SEC22A: variants seen among roughly 807,000 people sequenced by gnomAD.
SEC22A encodes SEC22 homolog A, vesicle trafficking protein.
SEC22A carries 22 observed loss-of-function variants against 35.3 expected under a neutral mutation model. The observed-to-expected ratio is 0.62, with a 90% CI of 0.45 to 0.89. SEC22A has a LOEUF of 0.89. SEC22A is among the 40% of genes least tolerant of loss of function. The probability of loss-of-function intolerance (pLI) is 0.00; values close to 1 mark genes in which losing one functional copy is unlikely to be tolerated. For missense variants in SEC22A, 354 were observed against 362.5 expected (o/e 0.98, Z 0.19); for synonymous variants, 119 against 129.5 (o/e 0.92, Z 0.55).
At chr3:123,224,574 T>C (rs1937187737) in intron 3 of SEC22A, among the ~76,000 whole-genome samples, 1 of 152,130 alleles carries the variant, frequency 6.6e-6, no homozygotes. Flanking sequence ...GGCAGTAGGA[T>C]CACTTAAGGC....
rs927533832 is a variant in SEC22A, at chr3:123,272,951, G to A, written c.*1229G>A. On this transcript the variant is annotated 3_prime_UTR_variant, in exon 7 of 7. Coordinates refer to ENST00000492595, the MANE Select transcript of SEC22A (RefSeq NM_012430.5). ...GAGAACTTACTTGTTTTTTGATAAC[G>A]TTTTAAAGATTGTTTAAGCAGTTAT... 25 of 153,722 alleles carry A rather than the reference G, an allele frequency of 1.6e-4. No individual in the cohort carries two copies. Among genetic ancestry groups the A allele is most frequent in the African/African-American group, 3.6e-4 (15 of 41,440 alleles). 9.5% of individuals were successfully genotyped at this position (153,722 alleles called of 1,614,324 possible). A position where few individuals can be genotyped will look rare whatever the true frequency, so the allele number is the denominator to read the frequency against.
chr3:123,243,158 T>C (rs1229565247), intron 4 of SEC22A, among the ~76,000 whole-genome samples: 1 of 145,494 alleles, frequency 6.9e-6, no homozygotes, highest in Non-Finnish European at 1.5e-5. Flanking sequence ...GAACATGAAT[T>C]CCAGAATCAT....
At chr3:123,236,964 T>C (rs1937434750) in intron 4 of SEC22A, among the ~76,000 whole-genome samples, 2 of 152,172 alleles carry the variant, frequency 1.3e-5, no homozygotes, top group African/African-American at 4.8e-5. Context: ...ACAAAAAGAA[T>C]GAAGTGGCAA....
In SEC22A at chr3:123,236,213, T is replaced by C. The variant is rs182059745; in HGVS notation, c.542-9686T>C. 1.2e-4 allele frequency among the ~76,000 whole-genome samples: 18 copies of C among 152,348 alleles called. No individual in the cohort carries two copies. In the East Asian group the frequency reaches 3.3e-3, roughly 28 times the overall value. On this transcript the variant is annotated intron_variant, in intron 4 of 6. Transcript: ENST00000492595. Reference sequence around the variant, plus strand: ...TTATTGAATGTGGATTATATTTCAATTTTTAAAATCACTAATAAGTTCGAT... The same window carrying C: ...TTATTGAATGTGGATTATATTTCAACTTTTAAAATCACTAATAAGTTCGAT...
chr3:123,261,093 C>T (rs28658256), intron 6 of SEC22A, among the ~76,000 whole-genome samples: 29,839 of 151,816 alleles, frequency 0.2, 3,034 homozygotes, highest in Middle Eastern at 0.27. Flanking sequence ...CCTCGGCCTC[C>T]CAAAGTGCTG....
chr3:123,207,141 T>A (rs1003124987), intron 1 of SEC22A, among the ~76,000 whole-genome samples: 8 of 152,176 alleles, frequency 5.3e-5, no homozygotes, highest in Non-Finnish European at 1.2e-4. Context: ...GATTTCTCCT[T>A]TTTCCTCATG....
chr3:123,227,651 A>G (rs940825820), intron 4 of SEC22A, among the ~76,000 whole-genome samples: 1 of 152,244 alleles, frequency 6.6e-6, no homozygotes, highest in Admixed American at 6.5e-5. Flanking sequence ...ATAGAATACA[A>G]AGCAAACACA....
At chr3:123,236,998 C>T (rs1937435147) in intron 4 of SEC22A, among the ~76,000 whole-genome samples, 1 of 152,158 alleles carries the variant, frequency 6.6e-6, no homozygotes, top group Admixed American at 6.5e-5. Context: ...TGTATTTTTG[C>T]TGATCCTGGT....
rs1938174723 is a variant in SEC22A, at chr3:123,271,857, A to G, written c.*135A>G. On this transcript the variant is annotated 3_prime_UTR_variant, in exon 7 of 7. Transcript: ENST00000492595. Reference sequence around the variant, plus strand: ...TTTCTCTCCAACTTTCCTTTTTTAAAATCAGCATGATGTGCCTGTGAGCAT... The same window carrying G: ...TTTCTCTCCAACTTTCCTTTTTTAAGATCAGCATGATGTGCCTGTGAGCAT... 1 of 701,102 alleles carries G rather than the reference A, an allele frequency of 1.4e-6. No individual in the cohort carries two copies. The highest frequency in any genetic ancestry group is 1.8e-5 in the African/African-American group (1 of 55,796). 43.4% of individuals were successfully genotyped at this position (701,102 alleles called of 1,614,324 possible).
At chr3:123,215,381 C>T (rs1470094668) in intron 2 of SEC22A, among the ~76,000 whole-genome samples, 3 of 152,158 alleles carry the variant, frequency 2.0e-5, no homozygotes, top group Non-Finnish European at 4.4e-5. Context: ...CTCCATGTCT[C>T]AAGAACAAGA....
chr3:123,235,216 G>A lies in SEC22A; in HGVS notation c.541+9919G>A, dbSNP rs543208208. Among the ~76,000 whole-genome samples the A allele has an allele frequency of 1.8e-4, 28 of 152,138 alleles. No individual in the cohort carries two copies. The South Asian group carries it at 5.6e-3, about 30-fold the overall frequency. On this transcript the variant is annotated intron_variant, in intron 4 of 6. Transcript: ENST00000492595. Reference sequence around the variant, plus strand: ...TTCAAAATTAAAAACTTTGTTCTTCGAACGACACTATTAAGAAAATGAAAA... The same window carrying A: ...TTCAAAATTAAAAACTTTGTTCTTCAAACGACACTATTAAGAAAATGAAAA...
intron 5 of SEC22A, among the ~76,000 whole-genome samples, chr3:123,246,444 TGAA>T (rs1337064781): frequency 6.6e-6 from 1 of 152,206 alleles, no homozygotes; most frequent in East Asian, 1.9e-4. Context: ...AGTGGAAGAA[TGAA>T]GAGGGCACAC....
chr3:123,257,398 G>A (rs1168468942), intron 5 of SEC22A, among the ~76,000 whole-genome samples: 1 of 152,162 alleles, frequency 6.6e-6, no homozygotes, highest in East Asian at 1.9e-4. Context: ...GCTCCTAAGT[G>A]TTTTAAAGGC....
At chr3:123,263,559 C>T (rs552858495) in intron 6 of SEC22A, among the ~76,000 whole-genome samples, 1 of 152,294 alleles carries the variant, frequency 6.6e-6, no homozygotes, top group South Asian at 2.1e-4. Context: ...CTCTGTCACC[C>T]AGGCTGGAGT....
intron 2 of SEC22A, among the ~76,000 whole-genome samples, chr3:123,219,624 A>G (rs1937088783): frequency 6.6e-6 from 1 of 152,206 alleles, no homozygotes; most frequent in Admixed American, 6.5e-5. Context: ...AATACTTAGC[A>G]AAGGGCCTAG....
At chr3:123,241,949 GAAA>G (rs200139005) in intron 4 of SEC22A, among the ~76,000 whole-genome samples, 29,722 of 144,886 alleles carry the variant, frequency 0.21, 2,993 homozygotes, top group Middle Eastern at 0.29. Flanking sequence ...CACTTTTCTG[GAAA>G]AAAAAAAAAA....
intron 3 of SEC22A, among the ~76,000 whole-genome samples, chr3:123,223,997 T>C (rs115369099): frequency 0.013 from 1,913 of 152,326 alleles, 38 homozygotes; most frequent in African/African-American, 0.044. Context: ...ATTCAGACTT[T>C]TGCGTTTCTG....
chr3:123,266,556 G>A (rs9834107), intron 6 of SEC22A, among the ~76,000 whole-genome samples: 41,795 of 151,878 alleles, frequency 0.28, 7,169 homozygotes, highest in Non-Finnish European at 0.4. Context: ...ATTTAGAATT[G>A]CATCGTTTCA....
At chr3:123,268,852 T>C (rs1190579463) in intron 6 of SEC22A, among the ~76,000 whole-genome samples, 1 of 152,180 alleles carries the variant, frequency 6.6e-6, no homozygotes, top group African/African-American at 2.4e-5. Flanking sequence ...TCTCCCAGCC[T>C]TTTTGTTGTT....
Sources: gnomAD v4.1 joint callset for allele counts (sites outside exome capture counted in the v4.1 genomes callset) on GRCh38, gnomAD v4.1.1 for gene constraint, MANE v1.5 for transcripts, NCBI Gene and HGNC (gene_info 2026-07-23, HGNC 2026-07-21) for gene names.